The following ERCC6L2 variants were observed in gnomAD, a reference collection of about 807,000 sequenced individuals.
ERCC6L2 encodes ERCC excision repair 6 like 2.
In ERCC6L2, 77 loss-of-function variants were observed where a neutral mutation model predicts 132.0. The observed-to-expected ratio is 0.58, with a 90% CI of 0.49 to 0.71. ERCC6L2 has a LOEUF of 0.71. Ranked by LOEUF, ERCC6L2 falls within the 30% of genes least tolerant of loss-of-function variation. The pLI is 0.00. For synonymous variants in ERCC6L2, 583 were observed against 632.4 expected, an observed-to-expected ratio of 0.92 and a Z score of 1.17; for missense variants, 1,542 against 1,837.6, an observed-to-expected ratio of 0.84 and a Z score of 2.94.
intron 12 of ERCC6L2, among the ~76,000 whole-genome samples, chr9:95,954,400 T>G (rs1349564840): frequency 6.6e-6 from 1 of 152,228 alleles, no homozygotes; most frequent in African/African-American, 2.4e-5. Context: ...ACAATAAAAC[T>G]GAATAAATGG....
At chr9:95,985,215 C>T (rs1176014467) in intron 17 of ERCC6L2, among the ~76,000 whole-genome samples, 1 of 152,122 alleles carries the variant, frequency 6.6e-6, no homozygotes, top group Admixed American at 6.5e-5. Context: ...TCGTTTTTTC[C>T]TCATGTATGT....
At chr9:95,931,895 CT>C (rs148326555) in intron 11 of ERCC6L2, among the ~76,000 whole-genome samples, 32 of 148,290 alleles carry the variant, frequency 2.2e-4, no homozygotes, top group African/African-American at 4.7e-4. Flanking sequence ...TAACAATGGC[CT>C]TTTTTTTTTC....
chr9:96,028,271 A>C (rs1490829710), intron 19 of ERCC6L2, among the ~76,000 whole-genome samples: 3 of 152,018 alleles, frequency 2.0e-5, no homozygotes, highest in African/African-American at 7.3e-5. Flanking sequence ...TTGGCTTAGC[A>C]TTTTCCCAAG....
At chr9:95,951,014 A>T (rs1283705002) in intron 12 of ERCC6L2, among the ~76,000 whole-genome samples, 2 of 152,210 alleles carry the variant, frequency 1.3e-5, no homozygotes, top group Admixed American at 1.3e-4. Flanking sequence ...CAACGACAGC[A>T]GAATACATAC....
At chr9:95,884,489 C>CTTT (rs3991619) in intron 2 of ERCC6L2, among the ~76,000 whole-genome samples, 141 of 145,336 alleles carry the variant, frequency 9.7e-4, no homozygotes, top group Non-Finnish European at 1.6e-3. Flanking sequence ...TTCTTTTCTT[C>CTTT]TTTTTTTTTT....
chr9:96,030,760 G>T (rs139067478), intron 19 of ERCC6L2, among the ~76,000 whole-genome samples: 149 of 149,262 alleles, frequency 1.0e-3, no homozygotes, highest in African/African-American at 3.6e-3. Context: ...CTCCAGCGAC[G>T]CCACGAACCC....
chr9:95,934,411 A>C, intron 11 of ERCC6L2, among the ~76,000 whole-genome samples: 1 of 137,360 alleles, frequency 7.3e-6, no homozygotes, highest in East Asian at 2.1e-4. Context: ...CAAAAGAAAT[A>C]AGTAGTATGC....
At chr9:95,952,840 T>TA (rs34446922) in intron 12 of ERCC6L2, among the ~76,000 whole-genome samples, 38,876 of 139,390 alleles carry the variant, frequency 0.28, 5,425 homozygotes, top group East Asian at 0.41. Context: ...TCCGTCTCAA[T>TA]AAAAAAAAAA....
At chr9:95,891,497 T>C (rs1311745711) in intron 2 of ERCC6L2, among the ~76,000 whole-genome samples, 1 of 152,190 alleles carries the variant, frequency 6.6e-6, no homozygotes, top group Non-Finnish European at 1.5e-5. Flanking sequence ...TTTTAGTTAT[T>C]ATGAATAATG....
At position 95,876,091 on chromosome 9, in the gene ERCC6L2, G is replaced by C. The variant is rs773014434; in HGVS notation, c.46+7G>C. ...GCGGAAACCTCAGGCAAAGGTACCAGCTCCGCGCTCGCCCCTTACGCAGAG... is the reference window on the plus strand; with the variant it reads ...GCGGAAACCTCAGGCAAAGGTACCACCTCCGCGCTCGCCCCTTACGCAGAG... On this transcript the variant is annotated splice_region_variant and intron_variant, in intron 1 of 18. Transcript: ENST00000653738. 8.9e-6 allele frequency: 14 copies of C among 1,566,430 alleles called. No homozygotes were observed. The highest frequency in any genetic ancestry group is 1.2e-5 in the Non-Finnish European group (14 of 1,155,966).
rs1359014158 is a variant in ERCC6L2, at chr9:95,973,032, C to T, written c.3281C>T (p.Ser1094Leu). The change falls in exon 16 of 19, where the codon TCA (serine) becomes TTA (leucine). Residue 1094 changes from serine to leucine, a missense_variant. Physicochemically the swap from Ser to Leu is moderately radical, Grantham distance 145. This residue lies in a region of ERCC6L2 where 442 missense variants were observed against 583.4 expected (regional missense o/e 0.76). Transcript: ENST00000653738. The part of the protein sequence containing the change: ...TFIPRKPMKC[S>L]NEKVVNQEQS... ...ATTCCAAGAAAACCAATGAAATGTT[C>T]AAATGAGAAAGTTGTTAATCAAGAG... 10 of 1,361,836 alleles carry T rather than the reference C, an allele frequency of 7.3e-6. No homozygotes were observed. The highest frequency in any genetic ancestry group is 8.8e-6 in the Non-Finnish European group (9 of 1,019,800). The allele number at this position is 1,361,836 out of a possible 1,614,324, so 84.4% of individuals were successfully genotyped here. A position where few individuals can be genotyped will look rare whatever the true frequency, so the allele number is the denominator to read the frequency against.
At chr9:95,899,227 A>G (rs1828628801) in intron 3 of ERCC6L2, among the ~76,000 whole-genome samples, 1 of 152,188 alleles carries the variant, frequency 6.6e-6, no homozygotes, top group African/African-American at 2.4e-5. Context: ...AGGAAGGCGA[A>G]TTGCTTGAGC....
Position 96,012,950 on chromosome 9 carries a change from C to A in ERCC6L2, c.4400C>A (p.Pro1467His). Reference sequence around the variant, plus strand: ...CTGCCAAAGAAAGTTCTTTCAGGGCCCATGGAAAAAGCAAAACAGAGACCA... The same window carrying A: ...CTGCCAAAGAAAGTTCTTTCAGGGCACATGGAAAAAGCAAAACAGAGACCA... Reference protein sequence around the residue: ...TQLPKKVLSGPMEKAKQRPKD... With the variant: ...TQLPKKVLSGHMEKAKQRPKD... Residue 1467 changes from proline to histidine, a missense_variant, in exon 19 of 19, where the codon CCC (proline) becomes CAC (histidine). Physicochemically the swap from Pro to His is moderately conservative, Grantham distance 77 (BLOSUM62 -2). Around this residue, in one of 4 missense-constraint regions of ERCC6L2, gnomAD observed 442 missense variants for 583.4 expected, o/e 0.76. Transcript: ENST00000653738. 1 of 1,367,164 alleles carries A rather than the reference C, an allele frequency of 7.3e-7. No individual in the cohort carries two copies. Among genetic ancestry groups the A allele is most frequent in the South Asian group, 1.1e-5 (1 of 87,970 alleles). The allele number at this position is 1,367,164 out of a possible 1,614,324, so 84.7% of individuals were successfully genotyped here.
At chr9:96,026,969 CACAA>C (rs974969903) in intron 19 of ERCC6L2, among the ~76,000 whole-genome samples, 8 of 141,830 alleles carry the variant, frequency 5.6e-5, no homozygotes, top group East Asian at 2.1e-4. Flanking sequence ...CACCACACCG[CACAA>C]ACACACCACA....
intron 11 of ERCC6L2, among the ~76,000 whole-genome samples, chr9:95,930,201 A>G (rs142297392): frequency 7.8e-4 from 119 of 151,638 alleles, no homozygotes; most frequent in East Asian, 5.6e-3. Flanking sequence ...TCCTCTGGAA[A>G]TCCTTTGGAG....
rs1834189450 is a variant in ERCC6L2 at position 96,016,608 on chromosome 9, G to A, written c.*3405G>A. Among the ~76,000 whole-genome samples, 1 of 152,216 alleles carries A rather than the reference G, an allele frequency of 6.6e-6. No homozygotes were observed. The highest frequency in any genetic ancestry group is 2.4e-5 in the African/African-American group (1 of 41,466). On this transcript the variant is annotated 3_prime_UTR_variant, in exon 19 of 19. Transcript: ENST00000653738. The stretch of plus-strand genomic sequence containing the variant: ...ATTCAAGGCAAAGAAGCCTTAGTTT[G>A]CAGAGATGATGATAAACTTTTCATC...
intron 3 of ERCC6L2, among the ~76,000 whole-genome samples, chr9:95,899,598 A>ATGTGTGTG (rs763050798): frequency 3.4e-3 from 380 of 113,236 alleles, no homozygotes; most frequent in African/African-American, 5.6e-3. Flanking sequence ...CTTTATATAT[A>ATGTGTGTG]TATGTGTGTG....
intron 17 of ERCC6L2, among the ~76,000 whole-genome samples, chr9:95,984,335 A>G (rs1244204480): frequency 6.6e-6 from 1 of 150,390 alleles, no homozygotes; most frequent in Non-Finnish European, 1.5e-5. Context: ...GTATATATAT[A>G]TGTAATACAT....
chr9:96,024,784 A>G (rs1834339839), intron 19 of ERCC6L2, among the ~76,000 whole-genome samples: 1 of 151,882 alleles, frequency 6.6e-6, no homozygotes, highest in Non-Finnish European at 1.5e-5. Flanking sequence ...GGCACCTCAC[A>G]CTCATTGTGT....
Sources: allele counts gnomAD v4.1 joint callset (sites outside exome capture counted in the v4.1 genomes callset), GRCh38; gene constraint gnomAD v4.1.1; regional missense constraint gnomAD v4.1.1; transcripts MANE v1.5; gene names NCBI Gene and HGNC (gene_info 2026-07-23, HGNC 2026-07-21).